NPEPL1: variants seen among roughly 807,000 people sequenced by gnomAD.
NPEPL1 encodes the protein aminopeptidase like 1, also known as probable aminopeptidase NPEPL1.
In NPEPL1, 45 loss-of-function variants were observed where a neutral mutation model predicts 52.4. The observed-to-expected ratio is 0.86, with a 90% CI of 0.68 to 1.10. The LOEUF (loss-of-function observed/expected upper bound fraction) is 1.10. NPEPL1 is among the 50% of genes least tolerant of loss of function. The probability of loss-of-function intolerance (pLI) is 0.00; values close to 1 mark genes in which losing one functional copy is unlikely to be tolerated. For synonymous variants in NPEPL1, 360 were observed against 314.7 expected, an observed-to-expected ratio of 1.14 and a Z score of -1.52; for missense variants, 696 against 710.9, an observed-to-expected ratio of 0.98 and a Z score of 0.24.
rs1205492563 is a variant in NPEPL1, at chr20:58,714,686, C to T, written c.1413+16C>T. 1.8e-5 allele frequency: 28 copies of T among 1,555,896 alleles called. No individual in the cohort carries two copies. The highest frequency in any genetic ancestry group is 2.4e-5 in the Non-Finnish European group (28 of 1,148,286). On this transcript the variant is annotated intron_variant, in intron 11 of 11. Transcript: ENST00000356091. ...GGTGCATGCTGTGAGTGTCTCCCCT[C>T]CCCACTGGCCCTGGCTGCTCCCGCC...
chr20:58,708,780 G>A (rs1407353839), intron 7 of NPEPL1, among the ~76,000 whole-genome samples: 2 of 152,156 alleles, frequency 1.3e-5, no homozygotes, highest in Non-Finnish European at 2.9e-5. Flanking sequence ...CCAGAAGAAT[G>A]CTGAGGCGGA....
upstream of NPEPL1, chr20:58,692,796 G>C: frequency 6.2e-6 from 6 of 972,480 alleles, no homozygotes; most frequent in Non-Finnish European, 7.3e-6. The surrounding 1 kb of genome is among the most constrained non-coding windows in gnomAD (Gnocchi z 5.7). Flanking sequence ...GCGGGCTGCC[G>C]GGCAGGGCCG....
chr20:58,694,514 C>G lies in NPEPL1; in HGVS notation c.429C>G (p.Arg143=). 3 of 1,614,030 alleles carry G rather than the reference C, an allele frequency of 1.9e-6. No individual in the cohort carries two copies. The highest frequency in any genetic ancestry group is 2.5e-6 in the Non-Finnish European group (3 of 1,179,886). The change falls in exon 3 of 12, where the codon CGC becomes CGG. Residue 143 remains arginine (R), a synonymous_variant. Coordinates refer to ENST00000356091, the MANE Select transcript of NPEPL1 (RefSeq NM_024663.4). ...CCCACCGCTCAGGTGCCTCTCGGCG[C>G]TTGGAGAAGAAGACGGTCACCGTGG... ...LFTHRSGASR[R]LEKKTVTVEF...
At chr20:58,706,199 G>GTTAACCAGGAGGTGTGAACTA (rs934621517) in intron 6 of NPEPL1, among the ~76,000 whole-genome samples, 8 of 152,160 alleles carry the variant, frequency 5.3e-5, no homozygotes, top group African/African-American at 1.7e-4. Context: ...TTAGACCCAG[G>GTTAACCAGGAGGTGTGAACTA]TTAACCAGGA....
intron 3 of NPEPL1, among the ~76,000 whole-genome samples, chr20:58,696,787 C>A (rs891987906): frequency 9.9e-5 from 15 of 152,260 alleles, no homozygotes; most frequent in African/African-American, 3.6e-4. Context: ...GGAGTGTGCA[C>A]ACAGCACGTG....
rs573417865 is a variant in NPEPL1 at position 58,695,490 on chromosome 20, C to A, written c.507+898C>A. Among the ~76,000 whole-genome samples, 4 of 152,340 alleles carry A rather than the reference C, an allele frequency of 2.6e-5. No homozygotes were observed. The South Asian group carries it at 8.3e-4, about 32-fold the overall frequency. On this transcript the variant is annotated intron_variant, in intron 3 of 11. Transcript: ENST00000356091. ...GCCTGACATCAGGCTCCTGTCCCCA[C>A]GGCAGCGGTCCCAGCCTCTGCGCCT...
rs115354963 is a variant in NPEPL1 at position 58,714,520 on chromosome 20, G to A, written c.1303-40G>A. 1,306 of 1,462,346 alleles carry A rather than the reference G, an allele frequency of 8.9e-4. 14 individuals are homozygous for A. The African/African-American group carries it at 0.016, about 18-fold the overall frequency. 90.6% of individuals were successfully genotyped at this position (1,462,346 alleles called of 1,614,324 possible). On this transcript the variant is annotated intron_variant, in intron 10 of 11. Transcript: ENST00000356091. ...GGGGCAGGGTGGAGAGGGCCCGGCCGGAGCAACCCACAGGCACTGTGTCCT... is the reference window on the plus strand; with the variant it reads ...GGGGCAGGGTGGAGAGGGCCCGGCCAGAGCAACCCACAGGCACTGTGTCCT...
chr20:58,698,741 T>G lies in NPEPL1; in HGVS notation c.565T>G (p.Cys189Gly). 6.2e-7 allele frequency: 1 copy of G among 1,612,940 alleles called. No individual in the cohort carries two copies. The highest frequency in any genetic ancestry group is 1.1e-5 in the South Asian group (1 of 91,090). Residue 189 changes from cysteine to glycine, a missense_variant, in exon 4 of 12, where the codon TGC (cysteine) becomes GGC (glycine). Coordinates refer to ENST00000356091, the MANE Select transcript of NPEPL1 (RefSeq NM_024663.4). Reference sequence around the variant, plus strand: ...AGCAGCCCGCATCGTGGACACACCCTGCAATGAGATGAACACCGACACCTT... The same window carrying G: ...AGCAGCCCGCATCGTGGACACACCCGGCAATGAGATGAACACCGACACCTT... The part of the protein sequence containing the change: ...RLAARIVDTP[C>G]NEMNTDTFLE...
upstream of NPEPL1, chr20:58,692,001 C>G (rs2084358744): frequency 1.6e-6 from 1 of 625,782 alleles, no homozygotes; most frequent in South Asian, 1.9e-5. The surrounding 1 kb of genome is among the most constrained non-coding windows in gnomAD (Gnocchi z 5.7). Flanking sequence ...CCCCGATGGC[C>G]TTTCCTCCCC....
chr20:58,690,647 A>G (rs1205536698), upstream of NPEPL1, among the ~76,000 whole-genome samples: 1 of 152,218 alleles, frequency 6.6e-6, no homozygotes, highest in African/African-American at 2.4e-5. Flanking sequence ...TTTGCTTTTA[A>G]CAAGCATCTA....
chr20:58,693,636 A>G, intron 1 of NPEPL1, 101 bp from the exon 2 acceptor site: 1 of 1,054,822 alleles, frequency 9.5e-7, no homozygotes. Flanking sequence ...GTGCCCTTCC[A>G]GGACTGCAGG....
rs1207681956 is a variant in NPEPL1 at position 58,713,862 on chromosome 20, GGT to G, written c.1126-52_1126-51del. On this transcript the variant is annotated intron_variant, in intron 9 of 11. Transcript: ENST00000356091. This position sits in a 1 kb window ranked among gnomAD's most constrained non-coding sequence, Gnocchi z 4.6. ...GCCTCCCGGTCCCTCTTTTGCCTTG[GGT>G]GTTTCTCTCCTGCCGTCCCGTCCAC... is the stretch of plus-strand genomic sequence containing the variant. 7.1e-7 allele frequency: 1 copy of G among 1,404,542 alleles called. No individual in the cohort carries two copies. The highest frequency in any genetic ancestry group is 9.3e-7 in the Non-Finnish European group (1 of 1,080,332). 87.0% of individuals were successfully genotyped at this position (1,404,542 alleles called of 1,614,324 possible).
In NPEPL1 at chr20:58,714,031, T is replaced by C; in HGVS notation, c.1240T>C (p.Cys414Arg). The C allele has an allele frequency of 6.5e-7, 1 of 1,535,468 alleles. No individual in the cohort carries two copies. ...GGACCTGGTGCACCCGCTGGTCTACTGCCCCGAGCTGCACTTCAGCGAGTT... is the reference window on the plus strand; with the variant it reads ...GGACCTGGTGCACCCGCTGGTCTACCGCCCCGAGCTGCACTTCAGCGAGTT... ...CGDLVHPLVY[C>R]PELHFSEFTS... The change falls in exon 10 of 12, where the codon TGC becomes CGC. Residue 414 changes from cysteine to arginine, a missense_variant. Coordinates refer to ENST00000356091, the MANE Select transcript of NPEPL1 (RefSeq NM_024663.4).
At chr20:58,694,393 C>T in intron 2 of NPEPL1, 29 bp from the exon 3 acceptor site, 1 of 1,573,812 alleles carries the variant, frequency 6.4e-7, no homozygotes, top group African/African-American at 1.4e-5. Flanking sequence ...GCCCTTGCAC[C>T]CCTCACGCCG....
At chr20:58,702,554 A>AAAC (rs1391920442) in intron 6 of NPEPL1, among the ~76,000 whole-genome samples, 1 of 152,162 alleles carries the variant, frequency 6.6e-6, no homozygotes, top group Non-Finnish European at 1.5e-5. Context: ...TTAATAGAAA[A>AAAC]AACATGCCTC....
At chr20:58,712,060 T>C (rs912456222) in intron 7 of NPEPL1, among the ~76,000 whole-genome samples, 56 of 152,220 alleles carry the variant, frequency 3.7e-4, no homozygotes, top group African/African-American at 1.1e-3. Flanking sequence ...AGCCATAACT[T>C]CACACCTAAA....
intron 6 of NPEPL1, among the ~76,000 whole-genome samples, chr20:58,704,619 T>C (rs2084702429): frequency 6.6e-6 from 1 of 152,100 alleles, no homozygotes; most frequent in Non-Finnish European, 1.5e-5. Context: ...ATCCTGTCAG[T>C]GTCTGGCTTA....
intron 3 of NPEPL1, 96 bp from the exon 4 acceptor site, chr20:58,698,588 G>A: frequency 1.0e-6 from 1 of 953,818 alleles, no homozygotes; most frequent in Non-Finnish European, 1.7e-6. Context: ...CCCTGTGGGT[G>A]ATGTTTGCCT....
intron 7 of NPEPL1, among the ~76,000 whole-genome samples, chr20:58,712,108 TGTAC>T (rs33941727): frequency 0.51 from 77,073 of 151,086 alleles, 21,441 homozygotes; most frequent in East Asian, 0.88. Flanking sequence ...CCTCTGTGTG[TGTAC>T]GTGTGTGTGT....
Sources: allele counts gnomAD v4.1 joint callset (sites outside exome capture counted in the v4.1 genomes callset), GRCh38; gene constraint gnomAD v4.1.1; non-coding constraint Gnocchi (gnomAD v3.1); transcripts MANE v1.5; gene names NCBI Gene and HGNC (gene_info 2026-07-23, HGNC 2026-07-21).